The following FSTL5 variants were observed in gnomAD, a reference collection of about 807,000 sequenced individuals.
The protein encoded by FSTL5 is follistatin-related protein 5.
FSTL5 carries 62 observed loss-of-function variants against 89.1 expected under a neutral mutation model. The ratio of observed to expected loss-of-function variants is 0.70; its 90% confidence interval spans 0.57 to 0.86. FSTL5 has a LOEUF of 0.86. FSTL5 is among the 40% of genes least tolerant of loss of function. FSTL5 has a pLI of 0.00. For missense variants in FSTL5, 1,057 were observed against 1,001.6 expected (o/e 1.06, Z -0.75); for synonymous variants, 383 against 346.2 (o/e 1.11, Z -1.18).
intron 4 of FSTL5, among the ~76,000 whole-genome samples, chr4:161,777,397 T>C (rs1283111836): frequency 6.6e-6 from 1 of 152,000 alleles, no homozygotes; most frequent in Non-Finnish European, 1.5e-5. Context: ...TCCTGTCTTT[T>C]GAGTATATAT....
At chr4:161,719,910 G>A (rs922476428) in intron 6 of FSTL5, among the ~76,000 whole-genome samples, 2 of 152,034 alleles carry the variant, frequency 1.3e-5, no homozygotes, top group Non-Finnish European at 1.5e-5. Context: ...ACTCAAAATG[G>A]GTTGAAAGAC....
At chr4:161,655,763 G>T (rs536994509) in intron 7 of FSTL5, among the ~76,000 whole-genome samples, 1 of 151,912 alleles carries the variant, frequency 6.6e-6, no homozygotes, top group African/African-American at 2.4e-5. Context: ...GCACAGAAGC[G>T]TTCTGTAAGA....
intron 4 of FSTL5, among the ~76,000 whole-genome samples, chr4:161,914,043 A>AG (rs1733771864): frequency 6.6e-6 from 1 of 152,148 alleles, no homozygotes; most frequent in South Asian, 2.1e-4. Context: ...TGGAGGGACC[A>AG]GGGGTGGAAT....
At chr4:162,135,981 T>G (rs1280824493) in intron 1 of FSTL5, among the ~76,000 whole-genome samples, 10 of 152,088 alleles carry the variant, frequency 6.6e-5, no homozygotes, top group Non-Finnish European at 1.5e-4. Context: ...TCATGCACTC[T>G]TGTGACTCTG....
chr4:162,076,776 A>G (rs767544247), intron 2 of FSTL5, among the ~76,000 whole-genome samples: 12 of 151,864 alleles, frequency 7.9e-5, no homozygotes, highest in Non-Finnish European at 1.5e-4. Context: ...AACAGGTTCT[A>G]TAACGGCCCT....
rs187195102 is a variant in FSTL5, at chr4:162,099,907, C to G, written c.126+11364G>C. Among the ~76,000 whole-genome samples, 59 of 152,036 alleles carry G rather than the reference C, an allele frequency of 3.9e-4. 1 individual carries two copies. In the East Asian group the frequency reaches 8.3e-3, roughly 21 times the overall value. On this transcript the variant is annotated intron_variant, in intron 2 of 15. Coordinates refer to ENST00000306100, the MANE Select transcript of FSTL5 (RefSeq NM_020116.5). ...ATTTGGACAGCCAGAATGCAAAATA[C>G]TGACAACACCAAATGCTGGTGAGGA...
At chr4:162,137,084 A>C (rs544292474) in intron 1 of FSTL5, among the ~76,000 whole-genome samples, 2 of 152,214 alleles carry the variant, frequency 1.3e-5, no homozygotes, top group African/African-American at 4.8e-5. Flanking sequence ...GAGAGAATAC[A>C]TGTTTAAAAT....
At chr4:161,472,742 T>C (rs201860570) in intron 13 of FSTL5, among the ~76,000 whole-genome samples, 31,004 of 151,880 alleles carry the variant, frequency 0.2, 3,976 homozygotes, top group Non-Finnish European at 0.29. Flanking sequence ...TTTTTTTTTT[T>C]TTTGAGACGG....
intron 15 of FSTL5, among the ~76,000 whole-genome samples, chr4:161,451,685 G>A (rs147411294): frequency 2.0e-5 from 3 of 152,330 alleles, no homozygotes; most frequent in Non-Finnish European, 4.4e-5. Context: ...TCTTATTACT[G>A]TAGTTACTGG....
intron 6 of FSTL5, among the ~76,000 whole-genome samples, chr4:161,700,289 C>G (rs1182645295): frequency 1.3e-5 from 2 of 151,940 alleles, no homozygotes; most frequent in African/African-American, 4.8e-5. Context: ...TATGCTGAAG[C>G]CATAATTCAA....
At position 162,011,437 on chromosome 4, in the gene FSTL5, C is replaced by G. The variant is rs543510258; in HGVS notation, c.160+22188G>C. ...CTTAAAATTGGAAGACATACTTTTC[C>G]TGTGTTTCCTGACTCTTCTCTGTCC... On this transcript the variant is annotated intron_variant, in intron 3 of 15. Coordinates refer to ENST00000306100, the MANE Select transcript of FSTL5 (RefSeq NM_020116.5). Among the ~76,000 whole-genome samples the G allele has an allele frequency of 9.9e-5, 15 of 152,170 alleles. No homozygotes were observed. In the South Asian group the frequency reaches 2.9e-3, roughly 29 times the overall value.
At chr4:161,761,338 T>C (rs1182980235) in intron 5 of FSTL5, among the ~76,000 whole-genome samples, 3 of 152,178 alleles carry the variant, frequency 2.0e-5, no homozygotes, top group African/African-American at 2.4e-5. Flanking sequence ...GGTTAGATCA[T>C]AGAAAATGAC....
At chr4:161,744,090 T>G (rs186081059) in intron 6 of FSTL5, among the ~76,000 whole-genome samples, 1 of 152,276 alleles carries the variant, frequency 6.6e-6, no homozygotes, top group Non-Finnish European at 1.5e-5. Context: ...AAGGTGTTTT[T>G]TTTTAAATCA....
rs1477189131 is a variant in FSTL5, at chr4:161,530,200, A to G, written c.1312+7966T>C. 1.4e-5 allele frequency among the ~76,000 whole-genome samples: 2 copies of G among 142,630 alleles called. 1 individual carries two copies. Among genetic ancestry groups the G allele is most frequent in the African/African-American group, 5.0e-5 (2 of 40,082 alleles). 93.6% of individuals were successfully genotyped at this position (142,630 alleles called of 152,430 possible). A position where few individuals can be genotyped will look rare whatever the true frequency, so the allele number is the denominator to read the frequency against. On this transcript the variant is annotated intron_variant, in intron 10 of 15. Coordinates refer to ENST00000306100, the MANE Select transcript of FSTL5 (RefSeq NM_020116.5). ...TACGATCTTTATAGGTAAAAAGACC[A>G]TGTTTTAATCTATTTTAGGACCCTT... is the stretch of plus-strand genomic sequence containing the variant.
At chr4:162,025,438 G>T (rs1346825291) in intron 3 of FSTL5, among the ~76,000 whole-genome samples, 1 of 151,986 alleles carries the variant, frequency 6.6e-6, no homozygotes, top group East Asian at 1.9e-4. Context: ...TACATTACAG[G>T]TTAGAAAGGG....
intron 6 of FSTL5, among the ~76,000 whole-genome samples, chr4:161,658,687 TAC>T (rs1192638597): frequency 6.6e-6 from 1 of 152,180 alleles, no homozygotes; most frequent in Admixed American, 6.5e-5. Flanking sequence ...GAAATCTGCA[TAC>T]ACAGTGTTCA....
In FSTL5 at chr4:161,538,230, C is replaced by A. The variant is rs773351883; in HGVS notation, c.1248G>T (p.Lys416Asn). Residue 416 changes from lysine (K) to asparagine (N), a missense_variant, in exon 10 of 16, where the codon AAG (lysine) becomes AAT (asparagine). Lys to Asn is a moderately conservative substitution (Grantham distance 94, BLOSUM62 0). This residue lies in a region of FSTL5 where 980 missense variants were observed against 903.2 expected (regional missense o/e 1.08). Transcript: ENST00000306100. ...EDTGAYTCIA[K>N]NEAGVDEDIS... is the part of the protein sequence containing the mutation. Reference sequence around the variant, plus strand: ...TGTCTTCATCCACTCCTGCTTCATTCTTTGCGATACAAGTGTATGCTCCAG... The same window carrying A: ...TGTCTTCATCCACTCCTGCTTCATTATTTGCGATACAAGTGTATGCTCCAG... 12 of 1,614,062 alleles carry A rather than the reference C, an allele frequency of 7.4e-6. No homozygotes were observed. Among genetic ancestry groups the A allele is most frequent in the Middle Eastern group, 1.6e-4 (1 of 6,062 alleles).
At chr4:161,752,275 G>GAT in intron 6 of FSTL5, among the ~76,000 whole-genome samples, 1 of 137,260 alleles carries the variant, frequency 7.3e-6, no homozygotes, top group Non-Finnish European at 1.6e-5. Flanking sequence ...ATAGATAGAT[G>GAT]GAATGTTTCC....
At position 161,397,316 on chromosome 4, in the gene FSTL5, T is replaced by C. The variant is rs1047884925; in HGVS notation, c.1842-10867A>G. 4.6e-5 allele frequency among the ~76,000 whole-genome samples: 7 copies of C among 151,966 alleles called. No homozygotes were observed. The South Asian group carries it at 8.3e-4, about 18-fold the overall frequency. ...ACTCCATTGTTATAAATTTAAACAA[T>C]GTAGTGGTGTTTTAACAAGACAGAA... On this transcript the variant is annotated intron_variant, in intron 15 of 15. Transcript: ENST00000306100.
Sources: gnomAD v4.1 joint callset for allele counts (sites outside exome capture counted in the v4.1 genomes callset) on GRCh38, gnomAD v4.1.1 for gene constraint, gnomAD v4.1.1 regional missense constraint, MANE v1.5 for transcripts, NCBI Gene and HGNC (gene_info 2026-07-23, HGNC 2026-07-21) for gene names.